Variants in SNTG2 observed in about 807,000 individuals in gnomAD.
SNTG2 encodes the protein syntrophin gamma 2, also known as gamma-2-syntrophin.
In SNTG2, 74 loss-of-function variants were observed where a neutral mutation model predicts 70.9. The ratio of observed to expected loss-of-function variants is 1.04; its 90% CI spans 0.86 to 1.27. The LOEUF is 1.27. Among genes scored for constraint, SNTG2 ranks in the 50% most tolerant of loss-of-function variants. SNTG2 has a pLI of 0.00. For synonymous variants in SNTG2, 278 were observed against 273.8 expected (o/e 1.02, Z -0.15); for missense variants, 717 against 690.7 (o/e 1.04, Z -0.43).
intron 4 of SNTG2, among the ~76,000 whole-genome samples, chr2:1,098,773 T>G (rs1199846195): frequency 2.6e-5 from 4 of 152,244 alleles, no homozygotes; most frequent in African/African-American, 9.6e-5. Flanking sequence ...TTGAAGTATC[T>G]GATACACAAG....
chr2:1,242,458 C>T (rs1399171102), intron 11 of SNTG2, among the ~76,000 whole-genome samples: 1 of 152,150 alleles, frequency 6.6e-6, no homozygotes. Context: ...TTTTTAGACT[C>T]TCATATCTGG....
chr2:1,181,920 C>A (rs570047350), intron 8 of SNTG2, among the ~76,000 whole-genome samples: 1 of 152,110 alleles, frequency 6.6e-6, no homozygotes, highest in Non-Finnish European at 1.5e-5. Flanking sequence ...GGAAAAATCC[C>A]ACTCACATTA....
intron 9 of SNTG2, among the ~76,000 whole-genome samples, chr2:1,218,497 G>T (rs2148016076): frequency 6.6e-6 from 1 of 152,326 alleles, no homozygotes; most frequent in African/African-American, 2.4e-5. Context: ...GATGATGGTT[G>T]GCTGTTCTTC....
chr2:1,066,513 C>T (rs1484321189), intron 1 of SNTG2, among the ~76,000 whole-genome samples: 6 of 151,200 alleles, frequency 4.0e-5, no homozygotes, highest in South Asian at 2.1e-4. Flanking sequence ...GTGGTCAGAC[C>T]GGCACAGACC....
intron 14 of SNTG2, among the ~76,000 whole-genome samples, chr2:1,308,272 G>A (rs941617685): frequency 1.3e-5 from 2 of 152,224 alleles, no homozygotes; most frequent in East Asian, 1.9e-4. Flanking sequence ...ACCTCACCGA[G>A]CTGGAAATAT....
intron 9 of SNTG2, among the ~76,000 whole-genome samples, chr2:1,211,915 T>C (rs544929612): frequency 3.9e-5 from 6 of 152,342 alleles, no homozygotes; most frequent in Admixed American, 6.5e-5. Flanking sequence ...ACATGTGTTA[T>C]TCTTGGTGAC....
chr2:1,289,383 C>T (rs941215412), intron 14 of SNTG2, among the ~76,000 whole-genome samples: 1 of 152,012 alleles, frequency 6.6e-6, no homozygotes, highest in Non-Finnish European at 1.5e-5. Flanking sequence ...CTACTCACTG[C>T]CCGCATGTGT....
intron 13 of SNTG2, among the ~76,000 whole-genome samples, chr2:1,259,667 G>C (rs894873562): frequency 6.6e-6 from 1 of 152,226 alleles, no homozygotes; most frequent in Non-Finnish European, 1.5e-5. Flanking sequence ...GGGTGTGTCT[G>C]TGTTTATGTG....
At chr2:1,237,145 G>A (rs1210620794) in intron 9 of SNTG2, among the ~76,000 whole-genome samples, 1 of 151,826 alleles carries the variant, frequency 6.6e-6, no homozygotes, top group Non-Finnish European at 1.5e-5. Context: ...ACTTCACCAT[G>A]TTGGCCAGGC....
At chr2:1,247,184 C>T (rs1677478437) in intron 11 of SNTG2, 143 bp from the exon 12 acceptor site, 1 of 582,218 alleles carries the variant, frequency 1.7e-6, no homozygotes, top group Non-Finnish European at 3.1e-6. Context: ...GATTTGGAAA[C>T]TTGGACATCT....
intron 16 of SNTG2, chr2:1,341,195 A>C (rs954025470): frequency 1.3e-5 from 2 of 152,150 alleles, no homozygotes; most frequent in African/African-American, 2.4e-5. Flanking sequence ...GATCCTCTGA[A>C]TCTTCCCCCT....
rs921626636 is a variant in SNTG2 at position 1,015,387 on chromosome 2, A to G, written c.72+64319A>G. ...TCCACACATATATATTATTTTTCAAAAACACACCATAAACCAAGTTAACTG... is the reference window on the plus strand; with the variant it reads ...TCCACACATATATATTATTTTTCAAGAACACACCATAAACCAAGTTAACTG... On this transcript the variant is annotated intron_variant, in intron 1 of 16. Coordinates refer to ENST00000308624, the MANE Select transcript of SNTG2 (RefSeq NM_018968.4). Among the ~76,000 whole-genome samples, 10 of 152,226 alleles carry G rather than the reference A, an allele frequency of 6.6e-5. 1 individual carries two copies. The highest frequency in any genetic ancestry group is 2.4e-4 in the African/African-American group (10 of 41,450).
intron 1 of SNTG2, among the ~76,000 whole-genome samples, chr2:998,387 C>A (rs1661761586): frequency 6.6e-6 from 1 of 150,574 alleles, no homozygotes; most frequent in African/African-American, 2.4e-5. Context: ...TGAAAAACAA[C>A]AGAAAGAAAT....
rs865917528 is a variant in SNTG2 at position 1,181,216 on chromosome 2, A to G, written c.591+8033A>G. ...CATGTACCCTAAAACTTAAAGTATA[A>G]TAATAATAAAATAAATAAAGCATTG... On this transcript the variant is annotated intron_variant, in intron 8 of 16. Coordinates refer to ENST00000308624, the MANE Select transcript of SNTG2 (RefSeq NM_018968.4). Among the ~76,000 whole-genome samples the G allele has an allele frequency of 1.6e-4, 21 of 132,220 alleles. 1 individual carries two copies. In the South Asian group the frequency reaches 4.0e-3, roughly 25 times the overall value. 86.7% of individuals were successfully genotyped at this position (132,220 alleles called of 152,430 possible).
intron 1 of SNTG2, among the ~76,000 whole-genome samples, chr2:962,493 G>A (rs191869457): frequency 1.3e-5 from 2 of 152,210 alleles, no homozygotes; most frequent in East Asian, 1.9e-4. Context: ...TGTGTCCTTC[G>A]CTGTATCCAG....
At chr2:1,330,975 T>C (rs929541524) in intron 16 of SNTG2, among the ~76,000 whole-genome samples, 1 of 152,200 alleles carries the variant, frequency 6.6e-6, no homozygotes, top group African/African-American at 2.4e-5. Flanking sequence ...ACTTGTCCTC[T>C]GGGTGTTAGC....
At chr2:1,222,564 C>T in intron 9 of SNTG2, among the ~76,000 whole-genome samples, 1 of 44,496 alleles carries the variant, frequency 2.2e-5, no homozygotes, top group Non-Finnish European at 4.5e-5. Context: ...GAAAGCGGTG[C>T]AGTGATGGAG....
intron 16 of SNTG2, among the ~76,000 whole-genome samples, chr2:1,358,049 G>A (rs942403154): frequency 6.6e-6 from 1 of 152,034 alleles, no homozygotes; most frequent in African/African-American, 2.4e-5. Context: ...TTTCTCTATT[G>A]CAGATGTTCA....
intron 8 of SNTG2, among the ~76,000 whole-genome samples, chr2:1,192,380 G>T (rs903466530): frequency 6.6e-6 from 1 of 152,172 alleles, no homozygotes; most frequent in Non-Finnish European, 1.5e-5. Context: ...ATTACAAGGG[G>T]TGTTCCCTAG....
Sources: allele counts gnomAD v4.1 joint callset (sites outside exome capture counted in the v4.1 genomes callset), GRCh38; gene constraint gnomAD v4.1.1; transcripts MANE v1.5; gene names NCBI Gene and HGNC (gene_info 2026-07-23, HGNC 2026-07-21).